Variants in KIR2DL1 observed in about 807,000 individuals in gnomAD.
KIR2DL1 encodes the protein killer cell immunoglobulin-like receptor 2DL1.
Under a neutral mutation model 33.9 loss-of-function variants are expected in KIR2DL1, and 38 were observed. That is an observed-to-expected ratio of 1.12 (90% CI 0.86 to 1.47). The LOEUF (loss-of-function observed/expected upper bound fraction) is 1.47, where lower values mean the gene tolerates loss of function less well. Among genes scored for constraint, KIR2DL1 ranks in the 40% most tolerant of loss-of-function variants. The probability of loss-of-function intolerance (pLI) is 0.00; values close to 1 mark genes in which losing one functional copy is unlikely to be tolerated. For missense variants in KIR2DL1, 531 were observed against 433.9 expected (o/e 1.22, Z -1.99); for synonymous variants, 179 against 165.9 (o/e 1.08, Z -0.61).
At chr19:54,781,591 C>A (rs1236387555) in intron 5 of KIR2DL1, among the ~76,000 whole-genome samples, 1 of 151,442 alleles carries the variant, frequency 6.6e-6, no homozygotes, top group East Asian at 1.9e-4. Context: ...GCTCCCCTTT[C>A]CTACTAATTC....
In KIR2DL1 at chr19:54,784,264, A is replaced by AC; in HGVS notation, c.*451_*452insC. ...CTTCTGTCAGCAGTAAAACTTATAT[A>AC]TTTTTTAAAATAACTTCAATGTAGT... On this transcript the variant is annotated 3_prime_UTR_variant, in exon 8 of 8. Coordinates refer to ENST00000336077, the MANE Select transcript of KIR2DL1 (RefSeq NM_014218.3). 1 of 262,528 alleles carries AC rather than the reference A, an allele frequency of 3.8e-6. No homozygotes were observed. The highest frequency in any genetic ancestry group is 7.4e-6 in the Non-Finnish European group (1 of 135,830). 16.3% of individuals were successfully genotyped at this position (262,528 alleles called of 1,614,324 possible).
intron 2 of KIR2DL1, among the ~76,000 whole-genome samples, chr19:54,771,910 C>T (rs2075772362): frequency 6.8e-6 from 1 of 147,622 alleles, no homozygotes; most frequent in Non-Finnish European, 1.5e-5. Flanking sequence ...GGGCTCCTGT[C>T]TGGGATTCTC....
Position 54,782,800 on chromosome 19 carries a change from C to A in KIR2DL1, c.716-122C>A, listed in dbSNP as rs35297315. ...AGCAGGAGAAAGCTGGGTCTCCTGCCATCTGGGTGCTTGTCCTAAAGAGGT... is the reference window on the plus strand; with the variant it reads ...AGCAGGAGAAAGCTGGGTCTCCTGCAATCTGGGTGCTTGTCCTAAAGAGGT... On this transcript the variant is annotated intron_variant, in intron 5 of 7. Coordinates refer to ENST00000336077, the MANE Select transcript of KIR2DL1 (RefSeq NM_014218.3). 3 of 1,021,738 alleles carry A rather than the reference C, an allele frequency of 2.9e-6. No homozygotes were observed. The African/African-American group carries it at 4.7e-5, about 16-fold the overall frequency. 63.3% of individuals were successfully genotyped at this position (1,021,738 alleles called of 1,614,324 possible). A position where few individuals can be genotyped will look rare whatever the true frequency, so the allele number is the denominator to read the frequency against.
intron 2 of KIR2DL1, among the ~76,000 whole-genome samples, chr19:54,772,047 GAATAA>G (rs386810970): frequency 7.2e-6 from 1 of 138,062 alleles, no homozygotes; most frequent in African/African-American, 2.7e-5. Flanking sequence ...GTGGTGGGAA[GAATAA>G]TTGTCCCCAG....
chr19:54,774,697 T>C (rs113655979), intron 3 of KIR2DL1, among the ~76,000 whole-genome samples: 17,061 of 131,522 alleles, frequency 0.13, 1 homozygote, highest in South Asian at 0.21. Context: ...AGATGATACA[T>C]AGATATAGAT....
chr19:54,775,522 G>C, intron 4 of KIR2DL1, 64 bp downstream of exon 4: 1 of 1,481,164 alleles, frequency 6.8e-7, no homozygotes, highest in Non-Finnish European at 9.3e-7. Context: ...GGAGCTTCCT[G>C]CTGAGGATGG....
chr19:54,783,018 A>T lies in KIR2DL1; in HGVS notation c.812A>T (p.Lys271Ile). The part of the protein sequence containing the change: ...FFLLHRWCSN[K>I]KNAAVMDQES... Reference sequence around the variant, plus strand: ...CTCCTTCATCGCTGGTGCTCCAACAAAAAAAGTAAGTCTCACGAAGCAGAG... The same window carrying T: ...CTCCTTCATCGCTGGTGCTCCAACATAAAAAGTAAGTCTCACGAAGCAGAG... Residue 271 changes from lysine (K) to isoleucine (I), a missense_variant, in exon 6 of 8, where the codon AAA (lysine) becomes ATA (isoleucine). Transcript: ENST00000336077. The T allele has an allele frequency of 1.2e-6, 2 of 1,613,456 alleles. No individual in the cohort carries two copies. The highest frequency in any genetic ancestry group is 1.7e-6 in the Non-Finnish European group (2 of 1,179,740).
intron 2 of KIR2DL1, 27 bp downstream of exon 2, chr19:54,770,911 G>T (rs1375501198): frequency 1.3e-6 from 2 of 1,579,566 alleles, no homozygotes; most frequent in Non-Finnish European, 1.7e-6. Flanking sequence ...ACCTTCGGGT[G>T]TCATCTCCCC....
At chr19:54,776,696 A>C (rs1411360496) in intron 4 of KIR2DL1, among the ~76,000 whole-genome samples, 3 of 144,302 alleles carry the variant, frequency 2.1e-5, no homozygotes, top group African/African-American at 7.7e-5. Flanking sequence ...CTGGAGTCAA[A>C]GTGGTGCAAC....
At chr19:54,776,042 C>T (rs1253952256) in intron 4 of KIR2DL1, among the ~76,000 whole-genome samples, 1 of 145,794 alleles carries the variant, frequency 6.9e-6, no homozygotes, top group Non-Finnish European at 1.5e-5. Context: ...CAGGCACGCA[C>T]CACCACGCCA....
chr19:54,775,218 GGA>G lies in KIR2DL1; in HGVS notation c.429_430del (p.Asn144CysfsTer12). The G allele has an allele frequency of 6.2e-7, 1 of 1,601,698 alleles. No individual in the cohort carries two copies. Among genetic ancestry groups the G allele is most frequent in the Non-Finnish European group, 8.5e-7 (1 of 1,171,244 alleles). Reference protein sequence around the residue: ...SAQLGPTVLAGENVTLSCSSR... With the variant: ...SAQLGPTVLAXENVTLSCSSR... ...CCAGCTGGGCCCCACGGTTCTGGCA[GGA>G]GAGAATGTGACCTTGTCCTGCAGCT... On this transcript the variant is annotated frameshift_variant, in exon 4 of 8. Transcript: ENST00000336077. LOFTEE classifies it high-confidence loss of function.
intron 5 of KIR2DL1, 50 bp downstream of exon 5, chr19:54,778,712 G>A (rs2295807): frequency 0.089 from 107,215 of 1,209,602 alleles, 15,928 homozygotes; most frequent in African/African-American, 0.22. Context: ...GGGGAGGTGG[G>A]AACCTTGGAT....
intron 5 of KIR2DL1, among the ~76,000 whole-genome samples, chr19:54,782,474 A>G (rs373104513): frequency 1.3e-5 from 2 of 152,044 alleles, no homozygotes; most frequent in East Asian, 3.9e-4. Context: ...CAGAGACCAC[A>G]GAGATCACAC....
At chr19:54,780,202 C>A (rs566465971) in intron 5 of KIR2DL1, 1 of 491,254 alleles carries the variant, frequency 2.0e-6, no homozygotes, top group East Asian at 2.9e-5. Context: ...CTGTGCCCAG[C>A]CAGAATTCAA....
At chr19:54,774,331 G>C (rs1487265292) in intron 3 of KIR2DL1, among the ~76,000 whole-genome samples, 2 of 82,752 alleles carry the variant, frequency 2.4e-5, no homozygotes, top group African/African-American at 3.5e-5. Flanking sequence ...GACACATAAA[G>C]AGAGAGAAAA....
intron 4 of KIR2DL1, among the ~76,000 whole-genome samples, chr19:54,777,845 G>A (rs1231290587): frequency 2.4e-4 from 36 of 148,248 alleles, no homozygotes; most frequent in African/African-American, 8.7e-4. Context: ...TTTGATTTTT[G>A]TGTATGGTGA....
rs1442262860 is a variant in KIR2DL1, at chr19:54,783,593, A to C, written c.871-44A>C. The C allele has an allele frequency of 5.0e-6, 8 of 1,613,994 alleles. No homozygotes were observed. The South Asian group carries it at 8.8e-5, about 18-fold the overall frequency. ...TACTGTTATTCCCAAAGAGTCCTGG[A>C]AAATGTGAGCACCCTCCCTCACTCA... On this transcript the variant is annotated intron_variant, in intron 7 of 7. Transcript: ENST00000336077.
intron 2 of KIR2DL1, among the ~76,000 whole-genome samples, chr19:54,772,867 T>A (rs200728343): frequency 0.048 from 5,764 of 119,268 alleles, no homozygotes; most frequent in South Asian, 0.074. Context: ...AAGCTGGCAC[T>A]GGCATGGCAA....
At position 54,770,862 on chromosome 19, in the gene KIR2DL1, G is replaced by A. The variant is rs765928631; in HGVS notation, c.48G>A (p.Leu16=). 39 of 1,584,380 alleles carry A rather than the reference G, an allele frequency of 2.5e-5. 5 individuals are homozygous for A. Among genetic ancestry groups the A allele is most frequent in the Non-Finnish European group, 3.2e-5 (37 of 1,156,564 alleles). ...VSMACVGFFL[L]QGAWPHEGVH... Reference sequence around the variant, plus strand: ...CTTTCTTTCCAGGGTTCTTCTTGCTGCAGGGGGCCTGGCCACATGAGGGTG... The same window carrying A: ...CTTTCTTTCCAGGGTTCTTCTTGCTACAGGGGGCCTGGCCACATGAGGGTG... Residue 16 remains leucine (L), a synonymous_variant, in exon 2 of 8, where the codon CTG becomes CTA. Transcript: ENST00000336077.
Sources: allele counts gnomAD v4.1 joint callset (sites outside exome capture counted in the v4.1 genomes callset), GRCh38; gene constraint gnomAD v4.1.1; transcripts MANE v1.5; gene names NCBI Gene and HGNC (gene_info 2026-07-23, HGNC 2026-07-21).